TMC1: variants seen among roughly 807,000 people sequenced by gnomAD.
TMC1 encodes transmembrane channel-like protein 1.
In TMC1, 84 loss-of-function variants were observed where a neutral mutation model predicts 105.8. The observed-to-expected ratio is 0.79, with a 90% CI of 0.67 to 0.95. The LOEUF is 0.95. Ranked by LOEUF, TMC1 falls within the 40% of genes least tolerant of loss-of-function variation. TMC1 has a pLI of 0.00. For synonymous variants in TMC1, 315 were observed against 311.5 expected, an observed-to-expected ratio of 1.01 and a Z score of -0.12; for missense variants, 817 against 914.1, an observed-to-expected ratio of 0.89 and a Z score of 1.37.
intron 5 of TMC1, among the ~76,000 whole-genome samples, chr9:72,669,849 G>T (rs1183946433): frequency 6.6e-6 from 1 of 152,078 alleles, no homozygotes; most frequent in South Asian, 2.1e-4. Context: ...GATATATATA[G>T]CAACAGTTTT....
At chr9:72,776,233 A>G (rs994316157) in intron 13 of TMC1, among the ~76,000 whole-genome samples, 7 of 151,828 alleles carry the variant, frequency 4.6e-5, no homozygotes, top group African/African-American at 1.7e-4. Flanking sequence ...CATAGACTAT[A>G]ATATAGATTA....
chr9:72,717,297 G>A (rs1351652263), intron 8 of TMC1, among the ~76,000 whole-genome samples: 1 of 152,206 alleles, frequency 6.6e-6, no homozygotes, highest in Non-Finnish European at 1.5e-5. Flanking sequence ...TTCAATGTTA[G>A]TATTGAGATG....
chr9:72,721,592 A>C (rs967486564), intron 8 of TMC1, among the ~76,000 whole-genome samples: 3 of 152,240 alleles, frequency 2.0e-5, no homozygotes, highest in African/African-American at 7.2e-5. Flanking sequence ...TTTCTTCCCA[A>C]CAATGACAAT....
At chr9:72,525,267 T>A (rs1362878059) in intron 1 of TMC1, among the ~76,000 whole-genome samples, 4 of 152,190 alleles carry the variant, frequency 2.6e-5, no homozygotes, top group African/African-American at 7.2e-5. Flanking sequence ...TCATACCTAT[T>A]CCTTGTAAGT....
In TMC1 at chr9:72,722,187, G is replaced by T. The variant is rs188842597; in HGVS notation, c.363-17932G>T. On this transcript the variant is annotated intron_variant, in intron 8 of 23. Transcript: ENST00000297784. ...CCCATTTTACAGATGAGAAAATTGA[G>T]ATTGATAGAGGTAAGGTCACCTTAC... Among the ~76,000 whole-genome samples the T allele has an allele frequency of 1.4e-3, 212 of 152,252 alleles. 1 individual carries two copies. Among genetic ancestry groups the T allele is most frequent in the Non-Finnish European group, 2.2e-3 (150 of 68,016 alleles).
intron 15 of TMC1, among the ~76,000 whole-genome samples, 158 bp from the exon 16 acceptor site, chr9:72,791,728 A>C (rs1828270173): frequency 6.6e-6 from 1 of 152,204 alleles, no homozygotes; most frequent in African/African-American, 2.4e-5. Context: ...TTTCCCTGTC[A>C]TTTTATTGAG....
At chr9:72,769,349 C>T (rs1185590835) in intron 12 of TMC1, among the ~76,000 whole-genome samples, 1 of 152,172 alleles carries the variant, frequency 6.6e-6, no homozygotes, top group Non-Finnish European at 1.5e-5. Flanking sequence ...CAGTGAAGGT[C>T]AACATGCCGC....
intron 21 of TMC1, among the ~76,000 whole-genome samples, chr9:72,829,273 C>T (rs1425154497): frequency 6.6e-6 from 1 of 152,136 alleles, no homozygotes; most frequent in Non-Finnish European, 1.5e-5. Flanking sequence ...ACCTGGATGG[C>T]TTTCGGGTAT....
intron 12 of TMC1, among the ~76,000 whole-genome samples, chr9:72,759,504 C>A (rs1256229654): frequency 2.6e-5 from 4 of 152,064 alleles, no homozygotes; most frequent in African/African-American, 9.7e-5. Context: ...TATGACTATT[C>A]CTAATTTACA....
intron 5 of TMC1, among the ~76,000 whole-genome samples, chr9:72,666,775 G>A (rs1394414151): frequency 1.3e-5 from 2 of 152,150 alleles, no homozygotes; most frequent in East Asian, 1.9e-4. Context: ...ACGGCCAGGC[G>A]TGGTGGCCTC....
intron 7 of TMC1, among the ~76,000 whole-genome samples, chr9:72,699,813 C>T (rs530079947): frequency 3.3e-5 from 5 of 151,374 alleles, no homozygotes; most frequent in South Asian, 2.1e-4. Context: ...AAAAATTAGC[C>T]GGGCAAGATG....
intron 6 of TMC1, among the ~76,000 whole-genome samples, chr9:72,693,576 T>C (rs1018239212): frequency 6.6e-6 from 1 of 152,170 alleles, no homozygotes; most frequent in Non-Finnish European, 1.5e-5. Context: ...ATGCTGCAGA[T>C]AATTCATAGT....
intron 2 of TMC1, among the ~76,000 whole-genome samples, chr9:72,609,391 T>A (rs1210655863): frequency 3.3e-5 from 5 of 151,954 alleles, no homozygotes; most frequent in Non-Finnish European, 7.4e-5. Flanking sequence ...ATACAAAAAT[T>A]AGTAGTGTAT....
chr9:72,809,455 T>C (rs1168037303), intron 18 of TMC1, among the ~76,000 whole-genome samples: 1 of 152,186 alleles, frequency 6.6e-6, no homozygotes, highest in African/African-American at 2.4e-5. Context: ...GGATGACGAA[T>C]CTTTGATGTA....
intron 13 of TMC1, among the ~76,000 whole-genome samples, chr9:72,774,450 T>C (rs1015477174): frequency 6.6e-6 from 1 of 152,204 alleles, no homozygotes; most frequent in Admixed American, 6.5e-5. Context: ...GTGTGTATTT[T>C]ATACCAGTCG....
At chr9:72,693,846 T>C (rs1465017736) in intron 6 of TMC1, among the ~76,000 whole-genome samples, 1 of 152,120 alleles carries the variant, frequency 6.6e-6, no homozygotes, top group Admixed American at 6.5e-5. Context: ...GCATTCATTG[T>C]TGTTGATGAT....
At chr9:72,615,765 T>TA (rs1825115759) in intron 2 of TMC1, among the ~76,000 whole-genome samples, 1 of 151,934 alleles carries the variant, frequency 6.6e-6, no homozygotes, top group African/African-American at 2.4e-5. Context: ...TTTTTTTTTT[T>TA]TTCTTCGAGA....
intron 2 of TMC1, among the ~76,000 whole-genome samples, chr9:72,596,330 G>GTTTT (rs778651795): frequency 1.3e-5 from 2 of 152,188 alleles, no homozygotes; most frequent in Non-Finnish European, 2.9e-5. Flanking sequence ...GCTCTGGAAG[G>GTTTT]TTTTTCTTGA....
intron 15 of TMC1, 132 bp downstream of exon 15, chr9:72,789,449 C>A: frequency 1.3e-6 from 1 of 770,326 alleles, no homozygotes. Flanking sequence ...AGTTAACCAA[C>A]CCTGTTGCTC....
Sources: gnomAD v4.1 joint callset for allele counts (sites outside exome capture counted in the v4.1 genomes callset) on GRCh38, gnomAD v4.1.1 for gene constraint, MANE v1.5 for transcripts, NCBI Gene and HGNC (gene_info 2026-07-23, HGNC 2026-07-21) for gene names.